The following ANTXR2 variants were observed in gnomAD, a reference collection of about 807,000 sequenced individuals.
The protein encoded by ANTXR2 is anthrax toxin receptor 2.
Under a neutral mutation model 73.7 loss-of-function variants are expected in ANTXR2, and 44 were observed. The ratio of observed to expected loss-of-function variants is 0.60; its 90% CI spans 0.47 to 0.77. The LOEUF is 0.77. Ranked by LOEUF, ANTXR2 falls within the 30% of genes least tolerant of loss-of-function variation. The probability of loss-of-function intolerance (pLI) is 0.00; values close to 1 mark genes in which losing one functional copy is unlikely to be tolerated. For synonymous variants in ANTXR2, 217 were observed against 205.9 expected, an observed-to-expected ratio of 1.05 and a Z score of -0.46; for missense variants, 604 against 592.5, an observed-to-expected ratio of 1.02 and a Z score of -0.20.
chr4:79,981,412 A>C (rs1002269744), intron 14 of ANTXR2, among the ~76,000 whole-genome samples: 2 of 152,146 alleles, frequency 1.3e-5, no homozygotes, highest in Non-Finnish European at 2.9e-5. Flanking sequence ...TTTAAAATTC[A>C]TTTATGCTTG....
intron 7 of ANTXR2, among the ~76,000 whole-genome samples, chr4:80,048,343 A>C (rs1266299742): frequency 6.6e-6 from 1 of 151,290 alleles, no homozygotes; most frequent in Non-Finnish European, 1.5e-5. Flanking sequence ...GAAAGTTATT[A>C]TAATGAAATA....
chr4:80,056,156 C>T (rs1399915191), intron 3 of ANTXR2, 143 bp from the exon 4 acceptor site: 2 of 498,746 alleles, frequency 4.0e-6, no homozygotes, highest in Admixed American at 4.1e-5. Flanking sequence ...AGGCAGATAA[C>T]TTCATATACT....
At chr4:80,030,766 C>T (rs957088850) in intron 10 of ANTXR2, among the ~76,000 whole-genome samples, 1 of 152,016 alleles carries the variant, frequency 6.6e-6, no homozygotes, top group East Asian at 1.9e-4. Flanking sequence ...TTTTCAGTCT[C>T]TAAATACTAA....
chr4:80,072,687 C>A lies in ANTXR2; in HGVS notation c.-127G>T. ...GGGCGGCGAGCAGCTGAGACGCCGG[C>A]GCCTGCGGCAGCGGGACCCACCAGC... On this transcript the variant is annotated 5_prime_UTR_variant, in exon 1 of 17. Transcript: ENST00000403729. The A allele has an allele frequency of 7.5e-7, 1 of 1,336,326 alleles. No individual in the cohort carries two copies. Among genetic ancestry groups the A allele is most frequent in the Non-Finnish European group, 9.5e-7 (1 of 1,047,674 alleles). The allele number at this position is 1,336,326 out of a possible 1,614,324, so 82.8% of individuals were successfully genotyped here.
intron 16 of ANTXR2, among the ~76,000 whole-genome samples, chr4:79,935,178 T>G (rs931328968): frequency 6.6e-6 from 1 of 151,146 alleles, no homozygotes; most frequent in Non-Finnish European, 1.5e-5. Flanking sequence ...GTATATGACC[T>G]CTACAAAGGT....
At chr4:79,984,765 A>T in intron 13 of ANTXR2, 54 bp downstream of exon 13, 1 of 1,456,588 alleles carries the variant, frequency 6.9e-7, no homozygotes, top group Non-Finnish European at 9.5e-7. Context: ...TGGGCATGGT[A>T]TCTGCATTTG....
intron 6 of ANTXR2, 50 bp from the exon 7 acceptor site, chr4:80,054,402 C>A (rs752255634): frequency 7.7e-7 from 1 of 1,299,242 alleles, no homozygotes; most frequent in South Asian, 1.4e-5. Flanking sequence ...ACACATACAA[C>A]AATTTATAAA....
intron 3 of ANTXR2, among the ~76,000 whole-genome samples, chr4:80,064,011 CAATT>C (rs1734383326): frequency 6.6e-6 from 1 of 151,858 alleles, no homozygotes; most frequent in Non-Finnish European, 1.5e-5. Flanking sequence ...ATGAATGTAC[CAATT>C]AATAAGTTAC....
intron 3 of ANTXR2, among the ~76,000 whole-genome samples, chr4:80,068,991 T>C (rs1056564593): frequency 1.3e-5 from 2 of 152,176 alleles, no homozygotes; most frequent in African/African-American, 4.8e-5. Flanking sequence ...AAGGTGAATA[T>C]ATTCAGCATT....
intron 16 of ANTXR2, 24 bp downstream of exon 16, chr4:79,977,597 C>T (rs1181439687): frequency 6.4e-7 from 1 of 1,560,346 alleles, no homozygotes. Context: ...TTAGCTCTTT[C>T]TCAATACATT....
intron 7 of ANTXR2, among the ~76,000 whole-genome samples, chr4:80,042,564 T>A (rs1041114652): frequency 6.6e-6 from 1 of 152,076 alleles, no homozygotes; most frequent in East Asian, 1.9e-4. Context: ...ATGCTCTCTA[T>A]ATAGGTTTCC....
At chr4:79,957,783 C>A (rs1728981681) in intron 16 of ANTXR2, among the ~76,000 whole-genome samples, 1 of 151,852 alleles carries the variant, frequency 6.6e-6, no homozygotes, top group South Asian at 2.1e-4. Flanking sequence ...TGAAAAATAT[C>A]ACAGAATAAT....
intron 13 of ANTXR2, among the ~76,000 whole-genome samples, chr4:79,984,558 A>C (rs1274571316): frequency 6.6e-6 from 1 of 152,204 alleles, no homozygotes; most frequent in Non-Finnish European, 1.5e-5. Context: ...CTGTTGATAT[A>C]GTACTATAAA....
In ANTXR2 at chr4:79,904,100, G is replaced by A. The variant is rs1038949428; in HGVS notation, c.*3329C>T. On this transcript the variant is annotated 3_prime_UTR_variant, in exon 17 of 17. Coordinates refer to ENST00000403729, the MANE Select transcript of ANTXR2 (RefSeq NM_058172.6). ...TAAACACCTAATTATCCACAATATA[G>A]AATTTGTTTCAACTTTAAACTAAAC... The A allele has an allele frequency of 8.8e-6, 1 of 113,522 alleles. No homozygotes were observed. The highest frequency in any genetic ancestry group is 3.3e-5 in the African/African-American group (1 of 30,670). The allele number at this position is 113,522 out of a possible 1,614,324, so 7.0% of individuals were successfully genotyped here.
intron 16 of ANTXR2, among the ~76,000 whole-genome samples, chr4:79,950,879 CCT>C (rs1177152439): frequency 6.6e-6 from 1 of 152,078 alleles, no homozygotes; most frequent in Non-Finnish European, 1.5e-5. Context: ...CTCTCCTCTC[CCT>C]CTCTTCTCTG....
chr4:79,985,733 C>G (rs1268163610), intron 12 of ANTXR2, among the ~76,000 whole-genome samples: 2 of 152,134 alleles, frequency 1.3e-5, no homozygotes, highest in African/African-American at 4.8e-5. Flanking sequence ...TAACTCAGCC[C>G]GTAAGGATAC....
At chr4:80,002,632 A>C (rs943513682) in intron 12 of ANTXR2, among the ~76,000 whole-genome samples, 6 of 152,022 alleles carry the variant, frequency 3.9e-5, no homozygotes, top group African/African-American at 9.6e-5. Context: ...CAACCTACAA[A>C]ATGGGAGAAA....
intron 12 of ANTXR2, among the ~76,000 whole-genome samples, chr4:79,994,586 TCCTCCTGAGAATTACATCCTC>T (rs1237986558): frequency 6.6e-5 from 10 of 151,642 alleles, no homozygotes; most frequent in Admixed American, 5.3e-4. Context: ...CCAACCCTGT[TCCTCCTGAGAATTACATCCTC>T]CTGAGAATTA....
chr4:79,986,850 C>T (rs545586709), intron 12 of ANTXR2, among the ~76,000 whole-genome samples: 10 of 152,284 alleles, frequency 6.6e-5, no homozygotes, highest in Non-Finnish European at 1.3e-4. Flanking sequence ...GTCCCAGTCC[C>T]CAAGGCATTA....
Sources: allele counts gnomAD v4.1 joint callset (sites outside exome capture counted in the v4.1 genomes callset), GRCh38; gene constraint gnomAD v4.1.1; transcripts MANE v1.5; gene names NCBI Gene and HGNC (gene_info 2026-07-23, HGNC 2026-07-21).